Variants in KSR2 observed in about 807,000 individuals in gnomAD.
KSR2 encodes kinase suppressor of ras 2.
A neutral mutation model predicts 107.8 loss-of-function variants in KSR2; 25 were observed. That is an observed-to-expected ratio of 0.23 (90% CI 0.17 to 0.32). The LOEUF (loss-of-function observed/expected upper bound fraction) is 0.32. KSR2 is among the 10% of genes least tolerant of loss of function. The pLI is 1.00. For missense variants in KSR2, 887 were observed against 1,268.9 expected (o/e 0.70, Z 4.57); for synonymous variants, 480 against 507.0 (o/e 0.95, Z 0.71).
intron 5 of KSR2, among the ~76,000 whole-genome samples, chr12:117,620,534 A>C (rs764620586): frequency 2.6e-5 from 4 of 152,222 alleles, no homozygotes; most frequent in Non-Finnish European, 5.9e-5. Context: ...ACATTATGGA[A>C]GTACATGCAG....
chr12:117,966,619 G>GCACACACACACA, intron 1 of KSR2, among the ~76,000 whole-genome samples: 1 of 130,016 alleles, frequency 7.7e-6, no homozygotes, highest in South Asian at 2.7e-4. Flanking sequence ...TCTCACACGC[G>GCACACACACACA]CACGCACACA....
chr12:117,677,753 C>A (rs919023865), intron 4 of KSR2, among the ~76,000 whole-genome samples: 2 of 152,214 alleles, frequency 1.3e-5, no homozygotes, highest in African/African-American at 4.8e-5. Flanking sequence ...TGTCTGCCAA[C>A]TAGAATATGA....
At chr12:117,825,956 T>G (rs1334612418) in intron 3 of KSR2, among the ~76,000 whole-genome samples, 6 of 24,416 alleles carry the variant, frequency 2.5e-4, no homozygotes, top group African/African-American at 5.0e-4. Context: ...AACAGGTGGG[T>G]GGATGGGTGG....
At chr12:117,609,774 A>G (rs1230764018) in intron 5 of KSR2, among the ~76,000 whole-genome samples, 3 of 152,288 alleles carry the variant, frequency 2.0e-5, no homozygotes, top group African/African-American at 7.2e-5. Flanking sequence ...GGTGCTGGGC[A>G]TTGTAAGATA....
intron 10 of KSR2, among the ~76,000 whole-genome samples, chr12:117,532,582 A>C (rs1370299013): frequency 2.6e-5 from 4 of 152,192 alleles, no homozygotes; most frequent in Non-Finnish European, 5.9e-5. Context: ...GAATTATTCT[A>C]CCTACCACAA....
intron 7 of KSR2, among the ~76,000 whole-genome samples, chr12:117,576,735 C>T (rs1289490362): frequency 6.6e-6 from 1 of 152,028 alleles, no homozygotes; most frequent in African/African-American, 2.4e-5. Flanking sequence ...AACTCCTGTC[C>T]TCAAGTGATC....
intron 7 of KSR2, among the ~76,000 whole-genome samples, chr12:117,574,989 C>A (rs1411087662): frequency 1.3e-5 from 2 of 151,944 alleles, no homozygotes; most frequent in Non-Finnish European, 2.9e-5. Context: ...CCAGATCACA[C>A]ACTACTACTT....
At chr12:117,862,725 CCCCT>C (rs2137254178) in intron 1 of KSR2, among the ~76,000 whole-genome samples, 1 of 142,210 alleles carries the variant, frequency 7.0e-6, no homozygotes, top group Non-Finnish European at 1.6e-5. Context: ...CTCCATTCCC[CCCCT>C]TTTTTTTTTT....
At chr12:117,898,086 T>C (rs544404797) in intron 1 of KSR2, among the ~76,000 whole-genome samples, 1 of 152,240 alleles carries the variant, frequency 6.6e-6, no homozygotes, top group East Asian at 1.9e-4. Flanking sequence ...GCCCATCAAC[T>C]ACCTGCCAAC....
chr12:117,580,899 C>G (rs945055149), intron 6 of KSR2, among the ~76,000 whole-genome samples: 1 of 151,960 alleles, frequency 6.6e-6, no homozygotes, highest in African/African-American at 2.4e-5. Flanking sequence ...TGGGGCGTAG[C>G]CAATCCAAGA....
intron 9 of KSR2, among the ~76,000 whole-genome samples, chr12:117,542,526 G>T (rs1876576056): frequency 6.6e-6 from 1 of 151,996 alleles, no homozygotes; most frequent in Non-Finnish European, 1.5e-5. Context: ...CCATCAAAAC[G>T]AAGATCCCTC....
chr12:117,818,894 A>C (rs1891467704), intron 3 of KSR2, among the ~76,000 whole-genome samples: 1 of 152,156 alleles, frequency 6.6e-6, no homozygotes, highest in Non-Finnish European at 1.5e-5. Flanking sequence ...GGAAGAGAAA[A>C]TGACAAAGAG....
At chr12:117,484,687 C>A (rs1872359070) in intron 15 of KSR2, 138 bp from the exon 16 acceptor site, 2 of 834,428 alleles carry the variant, frequency 2.4e-6, no homozygotes, top group East Asian at 2.7e-5. Context: ...GGCCTGGGGT[C>A]TGACCGTGGG....
At chr12:117,602,367 C>T (rs1197308912) in intron 5 of KSR2, among the ~76,000 whole-genome samples, 1 of 152,188 alleles carries the variant, frequency 6.6e-6, no homozygotes, top group African/African-American at 2.4e-5. Context: ...GACCCTGTAC[C>T]CACTAAGCGA....
chr12:117,880,207 T>C (rs1179794693), intron 1 of KSR2, among the ~76,000 whole-genome samples: 1 of 152,158 alleles, frequency 6.6e-6, no homozygotes, highest in Non-Finnish European at 1.5e-5. Context: ...TGTGAAAGCA[T>C]AGGAATAAAT....
At chr12:117,738,577 TA>T (rs1178991167) in intron 4 of KSR2, among the ~76,000 whole-genome samples, 1 of 152,022 alleles carries the variant, frequency 6.6e-6, no homozygotes, top group Non-Finnish European at 1.5e-5. Context: ...AAAAAGATAT[TA>T]AAGACAAAAA....
intron 16 of KSR2, among the ~76,000 whole-genome samples, chr12:117,479,661 T>C (rs905165334): frequency 1.3e-5 from 2 of 152,146 alleles, no homozygotes; most frequent in Non-Finnish European, 2.9e-5. Context: ...AATACGGAAA[T>C]GGTCCAAATC....
chr12:117,632,058 T>C (rs1459690601), intron 5 of KSR2, among the ~76,000 whole-genome samples: 3 of 152,134 alleles, frequency 2.0e-5, no homozygotes, highest in African/African-American at 7.2e-5. Flanking sequence ...CCAGGAACAT[T>C]TAATTTTGGC....
intron 4 of KSR2, among the ~76,000 whole-genome samples, chr12:117,760,502 A>G (rs1477484714): frequency 6.6e-6 from 1 of 152,364 alleles, no homozygotes; most frequent in East Asian, 1.9e-4. Flanking sequence ...ATGATCATTA[A>G]TATCACTTGT....
Sources: gnomAD v4.1 joint callset for allele counts (sites outside exome capture counted in the v4.1 genomes callset) on GRCh38, gnomAD v4.1.1 for gene constraint, MANE v1.5 for transcripts, NCBI Gene and HGNC (gene_info 2026-07-23, HGNC 2026-07-21) for gene names.